CREBBP: variants seen among roughly 807,000 people sequenced by gnomAD.
The protein encoded by CREBBP is CREB binding lysine acetyltransferase, also known as CREB-binding protein.
In CREBBP, 19 loss-of-function variants were observed where a neutral mutation model predicts 265.0. The ratio of observed to expected loss-of-function variants is 0.07; its 90% CI spans 0.05 to 0.11. CREBBP has a LOEUF of 0.11. CREBBP is among the 10% of genes least tolerant of loss of function. The probability of loss-of-function intolerance (pLI) is 1.00; values close to 1 mark genes in which losing one functional copy is unlikely to be tolerated. For missense variants in CREBBP, 2,525 were observed against 3,219.0 expected (o/e 0.78, Z 5.22); for synonymous variants, 1,457 against 1,223.7 (o/e 1.19, Z -3.98).
intron 2 of CREBBP, among the ~76,000 whole-genome samples, chr16:3,828,281 G>A (rs1034362625): frequency 2.6e-5 from 4 of 152,122 alleles, no homozygotes; most frequent in Non-Finnish European, 4.4e-5. Context: ...GAGTAGAGAT[G>A]AGGTTTCTCC....
chr16:3,773,542 T>C lies in CREBBP; in HGVS notation c.2463+209A>G, dbSNP rs139933553. On this transcript the variant is annotated intron_variant, in intron 13 of 30. Transcript: ENST00000262367. ...TTCTAAATCCATTCCCACTTTTGCATATAGTTAACCCAGAAAGGATAAGAG... is the reference window on the plus strand; with the variant it reads ...TTCTAAATCCATTCCCACTTTTGCACATAGTTAACCCAGAAAGGATAAGAG... The C allele has an allele frequency of 1.2e-5, 7 of 588,610 alleles. No individual in the cohort carries two copies. In the African/African-American group the frequency reaches 1.3e-4, roughly 11 times the overall value. The allele number at this position is 588,610 out of a possible 1,614,324, so 36.5% of individuals were successfully genotyped here.
intron 2 of CREBBP, among the ~76,000 whole-genome samples, chr16:3,815,879 A>G (rs983466517): frequency 3.3e-5 from 5 of 151,664 alleles, no homozygotes; most frequent in African/African-American, 4.9e-5. Context: ...GTGCTAGCAA[A>G]TACAAAGTCT....
rs2141201256 is a variant in CREBBP at position 3,770,743 on chromosome 16, G to C, written c.2707C>G (p.Pro903Ala). 1 of 1,614,132 alleles carries C rather than the reference G, an allele frequency of 6.2e-7. No individual in the cohort carries two copies. Among genetic ancestry groups the C allele is most frequent in the Non-Finnish European group, 8.5e-7 (1 of 1,180,010 alleles). ...TGGGTAGCACTGGGCACTGAGCCAGGAGTCGGGGTGGGAGTCTGCCCGGAA... is the reference window on the plus strand; with the variant it reads ...TGGGTAGCACTGGGCACTGAGCCAGCAGTCGGGGTGGGAGTCTGCCCGGAA... ...SSSGQTPTPT[P>A]GSVPSATQTQ... The change falls in exon 14 of 31, where the codon CCT becomes GCT. Residue 903 changes from proline to alanine, a missense_variant. Physicochemically the swap from Pro to Ala is conservative, Grantham distance 27. Around this residue, in one of 19 missense-constraint regions of CREBBP, gnomAD observed 548 missense variants for 533.0 expected, o/e 1.03. Coordinates refer to ENST00000262367, the MANE Select transcript of CREBBP (RefSeq NM_004380.3).
chr16:3,738,771 G>A, intron 25 of CREBBP, 99 bp from the exon 26 acceptor site: 1 of 805,442 alleles, frequency 1.2e-6, no homozygotes, highest in South Asian at 1.5e-5. Context: ...TTTTAGACAG[G>A]GTCTTGCTCT....
chr16:3,785,211 C>T (rs2053358317), intron 5 of CREBBP, among the ~76,000 whole-genome samples: 1 of 152,198 alleles, frequency 6.6e-6, no homozygotes, highest in Non-Finnish European at 1.5e-5. Flanking sequence ...GCTCCAAGTG[C>T]TCCATGGTGG....
At chr16:3,782,453 G>A (rs1212206637) in intron 6 of CREBBP, among the ~76,000 whole-genome samples, 1 of 152,226 alleles carries the variant, frequency 6.6e-6, no homozygotes, top group East Asian at 1.9e-4. Context: ...CCAGACAGAA[G>A]TGGCACAGCA....
intron 26 of CREBBP, 82 bp from the exon 27 acceptor site, chr16:3,736,897 G>A (rs2151330648): frequency 6.5e-7 from 1 of 1,538,598 alleles, no homozygotes; most frequent in Non-Finnish European, 8.9e-7. Context: ...AGAGGAGCAA[G>A]GACTAAAGCC....
At chr16:3,806,538 C>T (rs771959915) in intron 3 of CREBBP, among the ~76,000 whole-genome samples, 1 of 152,052 alleles carries the variant, frequency 6.6e-6, no homozygotes, top group Non-Finnish European at 1.5e-5. Flanking sequence ...GAAGATGAGG[C>T]CCCTCTGGTC....
intron 1 of CREBBP, among the ~76,000 whole-genome samples, chr16:3,864,138 T>C (rs13332076): frequency 0.09 from 13,664 of 152,142 alleles, 1,783 homozygotes; most frequent in African/African-American, 0.29. Flanking sequence ...CCAGCCATAT[T>C]GTAAGAACAA....
intron 3 of CREBBP, among the ~76,000 whole-genome samples, chr16:3,807,526 C>A (rs1453505377): frequency 2.0e-5 from 3 of 152,140 alleles, no homozygotes; most frequent in African/African-American, 7.2e-5. Context: ...AAAAAGACTA[C>A]AAAACACATC....
chr16:3,728,528 G>T lies in CREBBP; in HGVS notation c.6519C>A (p.Ile2173=), dbSNP rs572471926. The change falls in exon 31 of 31, where the codon ATC becomes ATA. Residue 2173 remains isoleucine (I), a synonymous_variant. Coordinates refer to ENST00000262367, the MANE Select transcript of CREBBP (RefSeq NM_004380.3). The surrounding 1 kb of genome is among the most constrained non-coding windows in gnomAD (Gnocchi z 8.7). ...GLNPQGQALN[I]MNPGHNPNMA... is the part of the protein sequence containing the mutation. ...TGTTGGGGTTGTGTCCTGGGTTCAT[G>T]ATGTTCAAGGCCTGGCCCTGGGGGT... The T allele has an allele frequency of 1.2e-6, 2 of 1,614,070 alleles. No homozygotes were observed. The highest frequency in any genetic ancestry group is 2.7e-5 in the African/African-American group (2 of 75,054).
chr16:3,862,037 G>A (rs940132422), intron 1 of CREBBP, among the ~76,000 whole-genome samples: 8 of 152,158 alleles, frequency 5.3e-5, no homozygotes, highest in East Asian at 1.9e-4. Flanking sequence ...GCCCTCACTC[G>A]GTGCAGGACC....
intron 17 of CREBBP, 21 bp downstream of exon 17, chr16:3,758,833 T>A: frequency 6.4e-7 from 1 of 1,554,504 alleles, no homozygotes. Flanking sequence ...AGTTATAATC[T>A]ATTTTTATGA....
intron 1 of CREBBP, among the ~76,000 whole-genome samples, chr16:3,878,259 A>C (rs1025931973): frequency 6.6e-6 from 1 of 152,262 alleles, no homozygotes; most frequent in Non-Finnish European, 1.5e-5. Context: ...AGATTAATGA[A>C]GCAACGGAGA....
At chr16:3,752,089 G>A (rs1469955299) in intron 19 of CREBBP, among the ~76,000 whole-genome samples, 1 of 152,010 alleles carries the variant, frequency 6.6e-6, no homozygotes. Flanking sequence ...ATTAGCATTC[G>A]GTCTCATTGC....
intron 1 of CREBBP, among the ~76,000 whole-genome samples, chr16:3,870,936 G>T (rs186739123): frequency 6.6e-6 from 1 of 151,902 alleles, no homozygotes; most frequent in East Asian, 1.9e-4. Flanking sequence ...AGGCAGGATT[G>T]CTGAAGGATG....
chr16:3,740,255 G>T, intron 24 of CREBBP, 144 bp downstream of exon 24: 1 of 903,960 alleles, frequency 1.1e-6, no homozygotes, highest in Non-Finnish European at 1.7e-6. Flanking sequence ...CAGGACAACC[G>T]CAGCTGAGGG....
At chr16:3,824,921 G>A (rs1178350401) in intron 2 of CREBBP, among the ~76,000 whole-genome samples, 4 of 152,260 alleles carry the variant, frequency 2.6e-5, no homozygotes, top group East Asian at 1.9e-4. Context: ...TGCCATTCAC[G>A]CAGGGCCGCT....
Position 3,850,770 on chromosome 16 carries a change from T to C in CREBBP, c.325A>G (p.Ser109Gly). ...GCACTGAGGCTGGCCATGTTAGCAC[T>C]GTTCGGCTGCCCTTGAGCCTGGCCA... ...LGGQAQGQPN[S>G]ANMASLSAMG... is the part of the protein sequence containing the mutation. Residue 109 changes from serine to glycine, a missense_variant, in exon 2 of 31, where the codon AGT becomes GGT. By Grantham distance (56) the Ser-to-Gly change is moderately conservative. Around this residue, in one of 19 missense-constraint regions of CREBBP, gnomAD observed 356 missense variants for 340.4 expected, o/e 1.05. Transcript: ENST00000262367. 6.2e-7 allele frequency: 1 copy of C among 1,614,130 alleles called. No individual in the cohort carries two copies. The highest frequency in any genetic ancestry group is 1.3e-5 in the African/African-American group (1 of 75,064).
Sources: allele counts gnomAD v4.1 joint callset (sites outside exome capture counted in the v4.1 genomes callset), GRCh38; gene constraint gnomAD v4.1.1; regional missense constraint gnomAD v4.1.1; non-coding constraint Gnocchi (gnomAD v3.1); transcripts MANE v1.5; gene names NCBI Gene and HGNC (gene_info 2026-07-23, HGNC 2026-07-21).